PARD3: variants seen among roughly 807,000 people sequenced by gnomAD.
PARD3 encodes partitioning defective 3 homolog.
Under a neutral mutation model 155.4 loss-of-function variants are expected in PARD3, and 75 were observed. The observed-to-expected ratio is 0.48, with a 90% CI of 0.40 to 0.58. The LOEUF is 0.58. PARD3 is among the 20% of genes least tolerant of loss of function. The pLI is 0.00. For missense variants in PARD3, 1,642 were observed against 1,721.7 expected, an observed-to-expected ratio of 0.95 and a Z score of 0.82; for synonymous variants, 576 against 610.5, an observed-to-expected ratio of 0.94 and a Z score of 0.83.
chr10:34,628,460 C>T (rs779491735), intron 2 of PARD3, among the ~76,000 whole-genome samples: 2 of 152,234 alleles, frequency 1.3e-5, no homozygotes, highest in Admixed American at 6.5e-5. Flanking sequence ...GGATTTTAGG[C>T]TTTGCAGGCA....
At chr10:34,189,069 T>C (rs1157327044) in intron 22 of PARD3, among the ~76,000 whole-genome samples, 1 of 152,212 alleles carries the variant, frequency 6.6e-6, no homozygotes, top group African/African-American at 2.4e-5. Context: ...CCATGGTTCA[T>C]GCCTGTAATC....
chr10:34,619,765 A>G (rs1187130472), intron 2 of PARD3, among the ~76,000 whole-genome samples: 1 of 152,194 alleles, frequency 6.6e-6, no homozygotes, highest in East Asian at 1.9e-4. Context: ...TGTCCTCTAC[A>G]ATATTTCTAC....
intron 22 of PARD3, among the ~76,000 whole-genome samples, chr10:34,248,003 A>G (rs1380042508): frequency 6.6e-6 from 1 of 152,250 alleles, no homozygotes; most frequent in Non-Finnish European, 1.5e-5. Flanking sequence ...GGCATCCCCA[A>G]CCACACTAGG....
chr10:34,585,524 TTTC>T (rs1028140653), intron 2 of PARD3, among the ~76,000 whole-genome samples: 2 of 147,416 alleles, frequency 1.4e-5, no homozygotes, highest in African/African-American at 5.0e-5. Context: ...TTTTCTAATT[TTTC>T]TTTTTTTTTC....
At chr10:34,349,039 G>A (rs1169081990) in intron 14 of PARD3, among the ~76,000 whole-genome samples, 1 of 152,148 alleles carries the variant, frequency 6.6e-6, no homozygotes, top group Non-Finnish European at 1.5e-5. Flanking sequence ...CGCAGACTGT[G>A]AGGTTCACCA....
intron 2 of PARD3, among the ~76,000 whole-genome samples, chr10:34,577,625 C>A (rs1350905370): frequency 6.6e-6 from 1 of 152,090 alleles, no homozygotes; most frequent in East Asian, 1.9e-4. Context: ...CTATCACTAT[C>A]GTAAAATGAG....
chr10:34,654,195 A>C (rs547728037), intron 2 of PARD3, among the ~76,000 whole-genome samples: 12 of 152,302 alleles, frequency 7.9e-5, no homozygotes, highest in African/African-American at 2.9e-4. Flanking sequence ...AAGTTCAAAG[A>C]ACTACTGTAA....
chr10:34,632,983 C>T (rs965249672), intron 2 of PARD3, among the ~76,000 whole-genome samples: 19 of 152,324 alleles, frequency 1.2e-4, no homozygotes, highest in African/African-American at 4.3e-4. Flanking sequence ...AACAACAGAG[C>T]GGGGCTTTCA....
intron 1 of PARD3, among the ~76,000 whole-genome samples, chr10:34,756,734 TGAGCC>T (rs1013956549): frequency 2.0e-5 from 3 of 152,266 alleles, no homozygotes; most frequent in African/African-American, 7.2e-5. Flanking sequence ...ATTACAGGTG[TGAGCC>T]ACTACACATA....
chr10:34,629,466 CAT>C (rs1362008360), intron 2 of PARD3, among the ~76,000 whole-genome samples: 1 of 152,182 alleles, frequency 6.6e-6, no homozygotes, highest in South Asian at 2.1e-4. Flanking sequence ...CACACACACA[CAT>C]ACACACGTTA....
intron 15 of PARD3, chr10:34,346,296 C>T: frequency 8.1e-7 from 1 of 1,239,964 alleles, no homozygotes; most frequent in South Asian, 1.5e-5. Context: ...TACAGCATTT[C>T]AAAAGGTCAC....
In PARD3 at chr10:34,382,683, G is replaced by A; in HGVS notation, c.1256C>T (p.Ser419Leu). 6.2e-7 allele frequency: 1 copy of A among 1,614,170 alleles called. No homozygotes were observed. Among genetic ancestry groups the A allele is most frequent in the Non-Finnish European group, 8.5e-7 (1 of 1,180,042 alleles). ...GGGGTGTGCGCTATGAGGTAGTCTT[G>A]AGTGAGAGTCTATCTGCTCAGGCGG... Reference protein sequence around the residue: ...NHPPEQIDSHSRLPHSAHPSG... With the variant: ...NHPPEQIDSHLRLPHSAHPSG... The change falls in exon 9 of 25, where the codon TCA becomes TTA. Residue 419 changes from serine to leucine, a missense_variant. By Grantham distance (145) the Ser-to-Leu change is moderately radical. Around this residue, in one of 3 missense-constraint regions of PARD3, gnomAD observed 1,529 missense variants for 1,587.3 expected, o/e 0.96. Coordinates refer to ENST00000374788, the MANE Select transcript of PARD3 (RefSeq NM_001184785.2).
intron 19 of PARD3, among the ~76,000 whole-genome samples, chr10:34,319,078 CTTTTTTT>C (rs34948436): frequency 1.7e-5 from 2 of 114,636 alleles, no homozygotes; most frequent in African/African-American, 3.2e-5. Context: ...TGCACCCAGA[CTTTTTTT>C]TTTTTTTTTT....
intron 2 of PARD3, among the ~76,000 whole-genome samples, chr10:34,581,401 A>G (rs1276551559): frequency 6.6e-6 from 1 of 151,368 alleles, no homozygotes; most frequent in African/African-American, 2.4e-5. Flanking sequence ...CGCCCGGCTA[A>G]TTTTTTGTAT....
intron 22 of PARD3, among the ~76,000 whole-genome samples, chr10:34,228,775 C>A (rs1175952053): frequency 3.3e-5 from 5 of 152,036 alleles, no homozygotes; most frequent in Admixed American, 6.5e-5. Context: ...AAAAAACAGA[C>A]CCTGTGCTCC....
chr10:34,395,019 TTAAA>T (rs984773105), intron 7 of PARD3, among the ~76,000 whole-genome samples: 2 of 152,268 alleles, frequency 1.3e-5, no homozygotes, highest in Admixed American at 1.3e-4. Flanking sequence ...CATTTGTGGT[TTAAA>T]TAAAGAGATT....
At chr10:34,343,367 A>ATTTGCTG (rs1837037631) in intron 15 of PARD3, 1 of 983,050 alleles carries the variant, frequency 1.0e-6, no homozygotes, top group Non-Finnish European at 1.2e-6. Flanking sequence ...AAGCAATATG[A>ATTTGCTG]ACACTGAAAG....
At chr10:34,600,299 T>C (rs1288477086) in intron 2 of PARD3, among the ~76,000 whole-genome samples, 2 of 151,938 alleles carry the variant, frequency 1.3e-5, no homozygotes, top group Non-Finnish European at 2.9e-5. Context: ...GAGCCAAGAT[T>C]GTACCACTGC....
intron 22 of PARD3, among the ~76,000 whole-genome samples, chr10:34,172,973 C>T (rs193160583): frequency 1.3e-4 from 20 of 152,268 alleles, no homozygotes; most frequent in African/African-American, 4.8e-4. Flanking sequence ...TTATATCCTA[C>T]TCCATCGGGA....
Sources: allele counts gnomAD v4.1 joint callset (sites outside exome capture counted in the v4.1 genomes callset), GRCh38; gene constraint gnomAD v4.1.1; regional missense constraint gnomAD v4.1.1; transcripts MANE v1.5; gene names NCBI Gene and HGNC (gene_info 2026-07-23, HGNC 2026-07-21).